PRKG1: variants seen among roughly 807,000 people sequenced by gnomAD.
PRKG1 encodes protein kinase cGMP-dependent 1, also known as cGMP-dependent protein kinase 1.
In PRKG1, 35 loss-of-function variants were observed where a neutral mutation model predicts 88.1. The ratio of observed to expected loss-of-function variants is 0.40; its 90% CI spans 0.30 to 0.53. PRKG1 has a LOEUF of 0.53. Ranked by LOEUF, PRKG1 falls within the 20% of genes least tolerant of loss-of-function variation. The pLI is 0.59. For missense variants in PRKG1, 540 were observed against 839.8 expected, an observed-to-expected ratio of 0.64 and a Z score of 4.41; for synonymous variants, 303 against 292.5, an observed-to-expected ratio of 1.04 and a Z score of -0.37.
At chr10:52,148,388 T>A (rs566082717) in intron 8 of PRKG1, among the ~76,000 whole-genome samples, 26 of 152,164 alleles carry the variant, frequency 1.7e-4, no homozygotes, top group Non-Finnish European at 3.2e-4. Flanking sequence ...AAGTATTCTA[T>A]AAAGCAGAGA....
Position 51,565,800 on chromosome 10 carries a change from G to GA in PRKG1, c.592+97973dup, listed in dbSNP as rs35112135. 3.1e-3 allele frequency among the ~76,000 whole-genome samples: 460 copies of GA among 150,390 alleles called. 3 individuals are homozygous for GA. The highest frequency in any genetic ancestry group is 0.01 in the African/African-American group (427 of 41,148). ...AAATGTGAAGACATTTACTTTTGGTGAAAAAAAAATGCATCAGCTATTTAT... is the reference window on the plus strand; with the variant it reads ...AAATGTGAAGACATTTACTTTTGGTGAAAAAAAAAATGCATCAGCTATTTAT... On this transcript the variant is annotated intron_variant, in intron 3 of 17. Transcript: ENST00000373980.
At chr10:51,065,436 A>T (rs1278363558) in intron 1 of PRKG1, among the ~76,000 whole-genome samples, 1 of 152,144 alleles carries the variant, frequency 6.6e-6, no homozygotes, top group East Asian at 1.9e-4. Flanking sequence ...GGAAGAAAAC[A>T]TAGTTACCAT....
chr10:51,824,337 T>C (rs1489597258), intron 4 of PRKG1, among the ~76,000 whole-genome samples: 1 of 152,218 alleles, frequency 6.6e-6, no homozygotes, highest in Non-Finnish European at 1.5e-5. Flanking sequence ...AGATATAATG[T>C]TCAACTAGAG....
chr10:51,054,760 G>T (rs1013518188), intron 1 of PRKG1, among the ~76,000 whole-genome samples: 1 of 152,094 alleles, frequency 6.6e-6, no homozygotes, highest in Non-Finnish European at 1.5e-5. Flanking sequence ...AAATTCCTGA[G>T]TCTGAAGCCC....
intron 1 of PRKG1, among the ~76,000 whole-genome samples, chr10:51,067,439 G>A (rs969383394): frequency 5.3e-5 from 8 of 151,872 alleles, no homozygotes; most frequent in Non-Finnish European, 8.8e-5. Context: ...TCTAACCAGT[G>A]GAAACTGGAA....
At chr10:52,156,242 C>T (rs932420947) in intron 8 of PRKG1, among the ~76,000 whole-genome samples, 7 of 151,858 alleles carry the variant, frequency 4.6e-5, no homozygotes, top group African/African-American at 1.7e-4. Context: ...AATGTAATTG[C>T]TTTCCATGAA....
intron 3 of PRKG1, among the ~76,000 whole-genome samples, chr10:51,596,445 T>C (rs1201884952): frequency 1.3e-5 from 2 of 152,172 alleles, no homozygotes; most frequent in Non-Finnish European, 2.9e-5. Flanking sequence ...GGAAGAAAAT[T>C]CCAGAGTCAT....
intron 3 of PRKG1, among the ~76,000 whole-genome samples, chr10:51,703,968 A>T (rs1028077743): frequency 3.9e-5 from 6 of 151,932 alleles, no homozygotes; most frequent in African/African-American, 1.5e-4. Flanking sequence ...GAAATGGTGA[A>T]ACCCCGTGTC....
chr10:51,483,202 A>G (rs949077898), intron 3 of PRKG1, among the ~76,000 whole-genome samples: 6 of 151,824 alleles, frequency 4.0e-5, no homozygotes, highest in African/African-American at 1.5e-4. Context: ...TTGTATTTTT[A>G]GTAGAGACAG....
At chr10:51,488,148 G>A (rs535830664) in intron 3 of PRKG1, among the ~76,000 whole-genome samples, 8 of 152,130 alleles carry the variant, frequency 5.3e-5, no homozygotes, top group Non-Finnish European at 1.0e-4. Flanking sequence ...GGCTGACTGG[G>A]TGACTGTGAG....
In PRKG1 at chr10:51,067,764, G is replaced by C. The variant is rs145718607; in HGVS notation, c.266+76120G>C. Among the ~76,000 whole-genome samples, 58 of 152,078 alleles carry C rather than the reference G, an allele frequency of 3.8e-4. No homozygotes were observed. In the East Asian group the frequency reaches 0.011, roughly 28 times the overall value. The stretch of plus-strand genomic sequence containing the variant: ...TCAAAAAAGTGTGAAATTTCCTATT[G>C]TACATTTATTTATATGGTGCATTGA... On this transcript the variant is annotated intron_variant, in intron 1 of 17. Transcript: ENST00000401604.
intron 10 of PRKG1, among the ~76,000 whole-genome samples, chr10:52,262,405 G>A (rs1185154842): frequency 1.3e-5 from 2 of 151,938 alleles, no homozygotes; most frequent in Non-Finnish European, 2.9e-5. Flanking sequence ...CTGAGTAGCT[G>A]GATTACAGGT....
intron 3 of PRKG1, among the ~76,000 whole-genome samples, chr10:51,801,202 A>T (rs557927697): frequency 6.6e-6 from 1 of 152,074 alleles, no homozygotes; most frequent in Non-Finnish European, 1.5e-5. Flanking sequence ...TGCAGTACAT[A>T]TGGTCTCTGT....
chr10:51,579,890 A>T (rs1837987113), intron 3 of PRKG1, among the ~76,000 whole-genome samples: 1 of 152,160 alleles, frequency 6.6e-6, no homozygotes, highest in Non-Finnish European at 1.5e-5. Flanking sequence ...AATGTAGATT[A>T]AATGGATATA....
chr10:51,838,418 A>T (rs1589338833), intron 4 of PRKG1, among the ~76,000 whole-genome samples: 1 of 152,218 alleles, frequency 6.6e-6, no homozygotes, highest in Admixed American at 6.5e-5. Context: ...AAAGGGCAGA[A>T]AATCTAAACA....
intron 4 of PRKG1, among the ~76,000 whole-genome samples, chr10:51,873,034 G>A (rs909496249): frequency 1.4e-4 from 21 of 152,090 alleles, no homozygotes; most frequent in Non-Finnish European, 3.1e-4. Context: ...TTAGGAAGAT[G>A]CAGTAAAACA....
At chr10:51,590,541 AAG>A (rs1321719184) in intron 3 of PRKG1, among the ~76,000 whole-genome samples, 2 of 152,214 alleles carry the variant, frequency 1.3e-5, no homozygotes, top group Non-Finnish European at 2.9e-5. Flanking sequence ...TTCTGTCACC[AAG>A]AAAAAAGGTT....
intron 2 of PRKG1, among the ~76,000 whole-genome samples, chr10:51,383,427 T>C (rs748139142): frequency 1.6e-4 from 24 of 152,168 alleles, no homozygotes; most frequent in Admixed American, 4.6e-4. Flanking sequence ...AAGCCCTTTA[T>C]ATAGCAATAG....
intron 2 of PRKG1, among the ~76,000 whole-genome samples, chr10:51,218,532 A>AT (rs61030217): frequency 0.095 from 4,650 of 49,134 alleles, 416 homozygotes; most frequent in African/African-American, 0.13. Flanking sequence ...TATATATATA[A>AT]AATGTGTGTA....
Sources: gnomAD v4.1 joint callset for allele counts (sites outside exome capture counted in the v4.1 genomes callset) on GRCh38, gnomAD v4.1.1 for gene constraint, MANE v1.5 for transcripts, NCBI Gene and HGNC (gene_info 2026-07-23, HGNC 2026-07-21) for gene names.